PTPRD: variants seen among roughly 807,000 people sequenced by gnomAD.
PTPRD encodes the protein receptor-type tyrosine-protein phosphatase delta.
In PTPRD, 34 loss-of-function variants were observed where a neutral mutation model predicts 214.5. That is an observed-to-expected ratio of 0.16 (90% CI 0.12 to 0.21). The LOEUF is 0.21. PTPRD is among the 10% of genes least tolerant of loss of function. PTPRD has a pLI of 1.00. For missense variants in PTPRD, 2,545 were observed against 2,398.7 expected, an observed-to-expected ratio of 1.06 and a Z score of -1.27; for synonymous variants, 1,128 against 845.7, an observed-to-expected ratio of 1.33 and a Z score of -5.79.
chr9:9,749,491 G>C (rs774363936), intron 6 of PTPRD, among the ~76,000 whole-genome samples: 1 of 152,064 alleles, frequency 6.6e-6, no homozygotes, highest in Non-Finnish European at 1.5e-5. Context: ...TAAGAGCAGT[G>C]ATTATAATAA....
At chr9:10,203,693 G>A (rs570839524) in intron 3 of PTPRD, among the ~76,000 whole-genome samples, 1 of 152,050 alleles carries the variant, frequency 6.6e-6, no homozygotes, top group South Asian at 2.1e-4. Context: ...TCCCTACTAA[G>A]AATTATCTTT....
intron 3 of PTPRD, among the ~76,000 whole-genome samples, chr9:10,060,378 C>A (rs1217765243): frequency 6.6e-6 from 1 of 151,984 alleles, no homozygotes; most frequent in African/African-American, 2.4e-5. Context: ...AACTCTTTCC[C>A]GTTAAAATAA....
chr9:10,006,526 G>C (rs17616274), intron 4 of PTPRD, among the ~76,000 whole-genome samples: 8,378 of 151,986 alleles, frequency 0.055, 322 homozygotes, highest in Non-Finnish European at 0.084. Context: ...CCGTTTTACA[G>C]AATTCAGGGT....
intron 11 of PTPRD, among the ~76,000 whole-genome samples, chr9:8,942,220 C>G (rs1036984152): frequency 6.6e-6 from 1 of 152,016 alleles, no homozygotes. Flanking sequence ...TTTTTGCCCC[C>G]CTGTCTATCA....
intron 2 of PTPRD, among the ~76,000 whole-genome samples, chr9:10,423,362 G>A (rs12340041): frequency 0.068 from 10,366 of 151,908 alleles, 728 homozygotes; most frequent in East Asian, 0.38. Context: ...GTAAACGACA[G>A]GTTAATGTGT....
intron 11 of PTPRD, among the ~76,000 whole-genome samples, chr9:8,814,479 C>T (rs74702319): frequency 2.6e-5 from 4 of 151,932 alleles, no homozygotes; most frequent in South Asian, 2.1e-4. Flanking sequence ...AATAGGAAGA[C>T]CCCAGAAAGG....
chr9:10,572,333 A>G (rs1369566151), intron 2 of PTPRD, among the ~76,000 whole-genome samples: 3 of 152,158 alleles, frequency 2.0e-5, no homozygotes, highest in Non-Finnish European at 4.4e-5. Context: ...ATATTATCTA[A>G]TAAGTGTCAT....
At position 10,343,978 on chromosome 9, in the gene PTPRD, G is replaced by GTTTT. The variant is rs139613939; in HGVS notation, c.-599-2965_-599-2962dup. Among the ~76,000 whole-genome samples, 49 of 31,682 alleles carry GTTTT rather than the reference G, an allele frequency of 1.5e-3. 9 individuals are homozygous for GTTTT. Among genetic ancestry groups the GTTTT allele is most frequent in the African/African-American group, 3.0e-3 (23 of 7,584 alleles). The allele number at this position is 31,682 out of a possible 152,430, so 20.8% of individuals were successfully genotyped here. On this transcript the variant is annotated intron_variant, in intron 2 of 45. Transcript: ENST00000381196. ...AGGTTGCCTGTTCATTCTGATGGTA[G>GTTTT]TTTTTTTTTTTTTTTTTTTTTTTTT... is the stretch of plus-strand genomic sequence containing the variant.
At chr9:10,234,556 A>C (rs756620638) in intron 3 of PTPRD, among the ~76,000 whole-genome samples, 62 of 151,986 alleles carry the variant, frequency 4.1e-4, no homozygotes, top group Non-Finnish European at 8.7e-4. Flanking sequence ...TTAACAACCA[A>C]AAATATAAAA....
At chr9:8,508,265 G>A (rs1451836830) in intron 21 of PTPRD, among the ~76,000 whole-genome samples, 2 of 152,160 alleles carry the variant, frequency 1.3e-5, no homozygotes, top group African/African-American at 2.4e-5. Flanking sequence ...ACAAAGAATG[G>A]AAAGTCTATT....
At chr9:8,685,148 A>G (rs1416567287) in intron 12 of PTPRD, among the ~76,000 whole-genome samples, 1 of 152,090 alleles carries the variant, frequency 6.6e-6, no homozygotes, top group East Asian at 1.9e-4. Context: ...AGCCTTTAGG[A>G]GAAAGCTTTT....
chr9:8,458,701 C>T (rs1199180000), intron 33 of PTPRD, among the ~76,000 whole-genome samples: 3 of 152,080 alleles, frequency 2.0e-5, no homozygotes, highest in Non-Finnish European at 4.4e-5. Context: ...GTACCTCATG[C>T]TTCCTGCCCT....
chr9:10,415,162 T>G (rs1301573740), intron 2 of PTPRD, among the ~76,000 whole-genome samples: 1 of 151,890 alleles, frequency 6.6e-6, no homozygotes, highest in Non-Finnish European at 1.5e-5. Flanking sequence ...ACTTAGCTTC[T>G]TCTTTTATAA....
intron 2 of PTPRD, among the ~76,000 whole-genome samples, chr9:10,438,971 T>C (rs2154522798): frequency 6.6e-6 from 1 of 151,692 alleles, no homozygotes; most frequent in East Asian, 1.9e-4. Context: ...TCCACGCTTT[T>C]TGTTGTCCCC....
intron 9 of PTPRD, among the ~76,000 whole-genome samples, chr9:9,323,934 G>T (rs149800087): frequency 6.6e-6 from 1 of 152,136 alleles, no homozygotes; most frequent in Non-Finnish European, 1.5e-5. Context: ...ATGAGAACAT[G>T]GAGTGTTTGG....
rs148124999 is a variant in PTPRD, at chr9:10,506,640, A to T, written c.-600+105758T>A. Among the ~76,000 whole-genome samples, 571 of 152,210 alleles carry T rather than the reference A, an allele frequency of 3.8e-3. 5 individuals carry two copies. The highest frequency in any genetic ancestry group is 0.013 in the African/African-American group (553 of 41,552). ...AAATTAAAAATAAAAAAATTATATT[A>T]TTGTTGCTCCAAGATCTAATCCAGA... On this transcript the variant is annotated intron_variant, in intron 2 of 45. Coordinates refer to ENST00000381196, the MANE Select transcript of PTPRD (RefSeq NM_002839.4).
At chr9:9,780,667 C>T (rs867049027) in intron 5 of PTPRD, among the ~76,000 whole-genome samples, 27 of 152,256 alleles carry the variant, frequency 1.8e-4, no homozygotes, top group African/African-American at 6.5e-4. Flanking sequence ...ATGATTTAAC[C>T]ATCACACACC....
intron 2 of PTPRD, among the ~76,000 whole-genome samples, chr9:10,518,185 AAT>A (rs1321016670): frequency 3.9e-5 from 6 of 152,182 alleles, no homozygotes; most frequent in African/African-American, 1.4e-4. Flanking sequence ...ATTTGATATT[AAT>A]AGTGAGAAAA....
At chr9:9,498,021 C>A (rs1189769837) in intron 8 of PTPRD, among the ~76,000 whole-genome samples, 2 of 152,040 alleles carry the variant, frequency 1.3e-5, no homozygotes, top group South Asian at 2.1e-4. Context: ...CCTGAGATAA[C>A]AGTTCCCAGT....
Sources: allele counts gnomAD v4.1 joint callset (sites outside exome capture counted in the v4.1 genomes callset), GRCh38; gene constraint gnomAD v4.1.1; transcripts MANE v1.5; gene names NCBI Gene and HGNC (gene_info 2026-07-23, HGNC 2026-07-21).